Variants in AGAP1 observed in about 807,000 individuals in gnomAD.
AGAP1 encodes arf-GAP with GTPase, ANK repeat and PH domain-containing protein 1.
Under a neutral mutation model 105.3 loss-of-function variants are expected in AGAP1, and 29 were observed. That is an observed-to-expected ratio of 0.28 (90% CI 0.21 to 0.38). The LOEUF is 0.38. Among genes scored for constraint, AGAP1 ranks in the 10% least tolerant of loss-of-function variants. The pLI, the probability that AGAP1 is intolerant of heterozygous loss-of-function variation, is 1.00. For missense variants in AGAP1, 998 were observed against 1,165.1 expected (o/e 0.86, Z 2.09); for synonymous variants, 509 against 485.9 (o/e 1.05, Z -0.63).
At chr2:235,679,614 AT>A (rs1240351980) in intron 1 of AGAP1, among the ~76,000 whole-genome samples, 1 of 152,078 alleles carries the variant, frequency 6.6e-6, no homozygotes, top group Non-Finnish European at 1.5e-5. Flanking sequence ...CAGCATATGG[AT>A]TCGTCTCATT....
At position 235,970,634 on chromosome 2, in the gene AGAP1, G is replaced by A. The variant is rs2054603941; in HGVS notation, c.1645+2011G>A. Among the ~76,000 whole-genome samples, 1 of 152,222 alleles carries A rather than the reference G, an allele frequency of 6.6e-6. No individual in the cohort carries two copies. Among genetic ancestry groups the A allele is most frequent in the Non-Finnish European group, 1.5e-5 (1 of 68,042 alleles). On this transcript the variant is annotated intron_variant, in intron 13 of 17. Coordinates refer to ENST00000304032, the MANE Select transcript of AGAP1 (RefSeq NM_001037131.3). The surrounding 1 kb of genome is among the most constrained non-coding windows in gnomAD (Gnocchi z 5.4). The stretch of plus-strand genomic sequence containing the variant: ...GTTTTTTCTTATGCACAACCTGGTG[G>A]GAACTGACCGTTGCCACTTAGATAC...
intron 1 of AGAP1, among the ~76,000 whole-genome samples, chr2:235,638,036 A>G (rs974069936): frequency 2.0e-5 from 3 of 152,206 alleles, no homozygotes; most frequent in Non-Finnish European, 1.5e-5. Context: ...TCTTCCAGGA[A>G]CACCCTCATA....
At chr2:235,922,695 C>T (rs763214824) in intron 11 of AGAP1, among the ~76,000 whole-genome samples, 1 of 152,154 alleles carries the variant, frequency 6.6e-6, no homozygotes, top group Non-Finnish European at 1.5e-5. Flanking sequence ...GGGATTCTGT[C>T]TTTGATGTCA....
At chr2:235,823,575 C>T (rs897943921) in intron 9 of AGAP1, among the ~76,000 whole-genome samples, 12 of 152,290 alleles carry the variant, frequency 7.9e-5, no homozygotes, top group Non-Finnish European at 1.5e-4. Context: ...TGCTCAAGGT[C>T]CTTCCAGATG....
At chr2:235,670,314 A>C in intron 1 of AGAP1, 1 of 466,736 alleles carries the variant, frequency 2.1e-6, no homozygotes, top group Non-Finnish European at 3.8e-6. Context: ...CTTGAGGAGG[A>C]GGCCGAGGAG....
At position 235,574,157 on chromosome 2, in the gene AGAP1, T is replaced by C. The variant is rs1944660618; in HGVS notation, c.163+79308T>C. Among the ~76,000 whole-genome samples the C allele has an allele frequency of 6.6e-6, 1 of 152,130 alleles. No individual in the cohort carries two copies. Among genetic ancestry groups the C allele is most frequent in the Non-Finnish European group, 1.5e-5 (1 of 68,020 alleles). ...TTCATTAGCAGCACTCAGGCCCAGC[T>C]GGGCATTCAGCTGTGACTGCATTCT... On this transcript the variant is annotated intron_variant, in intron 1 of 17. Transcript: ENST00000304032. This position sits in a 1 kb window ranked among gnomAD's most constrained non-coding sequence, Gnocchi z 5.0.
intron 9 of AGAP1, among the ~76,000 whole-genome samples, chr2:235,858,524 A>G (rs911075033): frequency 6.6e-6 from 1 of 152,190 alleles, no homozygotes; most frequent in Non-Finnish European, 1.5e-5. Context: ...TTAGGGGGAA[A>G]ATGTTTTAAA....
At chr2:235,779,890 G>A (rs1167533403) in intron 6 of AGAP1, among the ~76,000 whole-genome samples, 1 of 152,216 alleles carries the variant, frequency 6.6e-6, no homozygotes, top group Non-Finnish European at 1.5e-5. Flanking sequence ...GTAAAGGGCA[G>A]CAGCAGCAAA....
In AGAP1 at chr2:235,981,882, G is replaced by A. The variant is rs2055114501; in HGVS notation, c.1645+13259G>A. ...TGACCTTCCCTTCCCTTGGAAGGGG[G>A]CGCTTGTCTTTTCAGCGGTCTTGCC... On this transcript the variant is annotated intron_variant, in intron 13 of 17. Transcript: ENST00000304032. This position sits in a 1 kb window ranked among gnomAD's most constrained non-coding sequence, Gnocchi z 5.5. 6.6e-6 allele frequency among the ~76,000 whole-genome samples: 1 copy of A among 152,210 alleles called. No homozygotes were observed. Among genetic ancestry groups the A allele is most frequent in the South Asian group, 2.1e-4 (1 of 4,812 alleles).
intron 9 of AGAP1, among the ~76,000 whole-genome samples, chr2:235,856,585 G>T (rs967191417): frequency 6.6e-6 from 1 of 152,234 alleles, no homozygotes; most frequent in African/African-American, 2.4e-5. Flanking sequence ...GAGCAGCTCT[G>T]TGTGGACCAT....
intron 1 of AGAP1, among the ~76,000 whole-genome samples, chr2:235,604,916 T>C (rs1945875656): frequency 6.6e-6 from 1 of 151,942 alleles, no homozygotes; most frequent in Non-Finnish European, 1.5e-5. Flanking sequence ...AGTCTCTCTC[T>C]GTCCCCCGGG....
rs1183005902 is a variant in AGAP1 at position 235,982,542 on chromosome 2, G to A, written c.1645+13919G>A. On this transcript the variant is annotated intron_variant, in intron 13 of 17. Transcript: ENST00000304032. The surrounding 1 kb of genome is among the most constrained non-coding windows in gnomAD (Gnocchi z 4.9). ...TAACCTGTATTATCATTGGTTCTAGGGGACTACTGAAGATAAGAATTTTCA... is the reference window on the plus strand; with the variant it reads ...TAACCTGTATTATCATTGGTTCTAGAGGACTACTGAAGATAAGAATTTTCA... 6.6e-6 allele frequency among the ~76,000 whole-genome samples: 1 copy of A among 152,148 alleles called. No homozygotes were observed. Among genetic ancestry groups the A allele is most frequent in the Non-Finnish European group, 1.5e-5 (1 of 68,048 alleles).
At position 235,891,442 on chromosome 2, in the gene AGAP1, C is replaced by T. The variant is rs960261101; in HGVS notation, c.1155+7993C>T. Among the ~76,000 whole-genome samples the T allele has an allele frequency of 3.3e-5, 5 of 152,094 alleles. No individual in the cohort carries two copies. Among genetic ancestry groups the T allele is most frequent in the African/African-American group, 7.2e-5 (3 of 41,400 alleles). ...TTGCTGGATCACAGTTCAGGTGGAT[C>T]GAGGGCAGCCTGTTCTAAGACCCTG... On this transcript the variant is annotated intron_variant, in intron 10 of 17. Transcript: ENST00000304032. The surrounding 1 kb of genome is among the most constrained non-coding windows in gnomAD (Gnocchi z 4.2).
intron 9 of AGAP1, chr2:235,852,780 G>T (rs2048530003): frequency 3.3e-6 from 5 of 1,526,430 alleles, no homozygotes; most frequent in Non-Finnish European, 4.4e-6. Flanking sequence ...CCAGGGCCGA[G>T]GGGTGGTCAG....
At chr2:235,547,177 C>G (rs554389032) in intron 1 of AGAP1, among the ~76,000 whole-genome samples, 1 of 152,264 alleles carries the variant, frequency 6.6e-6, no homozygotes, top group Admixed American at 6.5e-5. Context: ...GGGACACCAT[C>G]AACTCCAAGG....
At chr2:235,940,540 C>T (rs942376128) in intron 12 of AGAP1, among the ~76,000 whole-genome samples, 9 of 152,200 alleles carry the variant, frequency 5.9e-5, no homozygotes, top group African/African-American at 1.7e-4. Flanking sequence ...TTCAGGCTTC[C>T]GCCCAGACGT....
rs1311939814 is a variant in AGAP1, at chr2:235,522,194, C to T, written c.163+27345C>T. 4.6e-5 allele frequency among the ~76,000 whole-genome samples: 7 copies of T among 152,100 alleles called. No individual in the cohort carries two copies. In the South Asian group the frequency reaches 8.3e-4, roughly 18 times the overall value. On this transcript the variant is annotated intron_variant, in intron 1 of 17. Coordinates refer to ENST00000304032, the MANE Select transcript of AGAP1 (RefSeq NM_001037131.3). ...CGTCAGTAAACATTGTTCGTGTGCC[C>T]GACCTGGGCCAGGCTCTGTTAGAAG...
Position 236,053,457 on chromosome 2 carries a change from C to T in AGAP1, c.2114+4176C>T, listed in dbSNP as rs570739767. Among the ~76,000 whole-genome samples the T allele has an allele frequency of 1.1e-4, 16 of 152,354 alleles. No individual in the cohort carries two copies. The highest frequency in any genetic ancestry group is 1.8e-4 in the Non-Finnish European group (12 of 68,036). ...TCTCCCTCGCGGTACAGCAGTGTTTCCGGGGCTGCACGGCAGCGCCCTGGC... is the reference window on the plus strand; with the variant it reads ...TCTCCCTCGCGGTACAGCAGTGTTTTCGGGGCTGCACGGCAGCGCCCTGGC... On this transcript the variant is annotated intron_variant, in intron 16 of 17. Coordinates refer to ENST00000304032, the MANE Select transcript of AGAP1 (RefSeq NM_001037131.3). This position sits in a 1 kb window ranked among gnomAD's most constrained non-coding sequence, Gnocchi z 4.6.
rs1953384415 is a variant in AGAP1 at position 235,751,001 on chromosome 2, T to C, written c.673+513T>C. On this transcript the variant is annotated intron_variant, in intron 6 of 17. Transcript: ENST00000304032. The surrounding 1 kb of genome is among the most constrained non-coding windows in gnomAD (Gnocchi z 5.3). ...CACAGCAGAGGGTGAGGACCAGCCTTTTGGAATTGTTTTTAGGTTATTTTA... is the reference window on the plus strand; with the variant it reads ...CACAGCAGAGGGTGAGGACCAGCCTCTTGGAATTGTTTTTAGGTTATTTTA... Among the ~76,000 whole-genome samples the C allele has an allele frequency of 6.6e-6, 1 of 152,012 alleles. No homozygotes were observed. The highest frequency in any genetic ancestry group is 2.1e-4 in the South Asian group (1 of 4,820).
Sources: allele counts gnomAD v4.1 joint callset (sites outside exome capture counted in the v4.1 genomes callset), GRCh38; gene constraint gnomAD v4.1.1; non-coding constraint Gnocchi (gnomAD v3.1); transcripts MANE v1.5; gene names NCBI Gene and HGNC (gene_info 2026-07-23, HGNC 2026-07-21).